The following SAMM50 variants were observed in gnomAD, a reference collection of about 807,000 sequenced individuals.
SAMM50 encodes SAMM50 sorting and assembly machinery component, also known as sorting and assembly machinery component 50 homolog.
SAMM50 carries 47 observed loss-of-function variants against 66.9 expected under a neutral mutation model. That is an observed-to-expected ratio of 0.70 (90% CI 0.56 to 0.90). The LOEUF (loss-of-function observed/expected upper bound fraction) is 0.90. SAMM50 is among the 40% of genes least tolerant of loss of function. SAMM50 has a pLI of 0.00. For synonymous variants in SAMM50, 191 were observed against 214.1 expected (o/e 0.89, Z 0.94); for missense variants, 535 against 595.3 (o/e 0.90, Z 1.05).
chr22:43,987,959 G>A (rs546435237), intron 12 of SAMM50: 1 of 151,850 alleles, frequency 6.6e-6, no homozygotes, highest in East Asian at 1.9e-4. Flanking sequence ...CATTTTATTG[G>A]CTTGCTTATT....
chr22:43,990,835 C>A (rs2146828562), intron 14 of SAMM50, among the ~76,000 whole-genome samples: 1 of 152,310 alleles, frequency 6.6e-6, no homozygotes, highest in East Asian at 1.9e-4. Flanking sequence ...CCTCTCTCTA[C>A]AGCAGAGGAA....
chr22:43,968,864 C>G (rs1569027193), intron 4 of SAMM50, 46 bp downstream of exon 4: 1 of 1,381,710 alleles, frequency 7.2e-7, no homozygotes, highest in Non-Finnish European at 1.0e-6. Context: ...TTCTGTCCAT[C>G]AGAGAAAAGC....
chr22:43,990,338 C>T lies in SAMM50; in HGVS notation c.1296C>T (p.Leu432=). The T allele has an allele frequency of 2.5e-6, 4 of 1,614,190 alleles. No individual in the cohort carries two copies. The highest frequency in any genetic ancestry group is 3.4e-6 in the Non-Finnish European group (4 of 1,180,034). ...GGTCGTACGGGGCCGGGATTGTCCT[C>T]AGGCTTGGCAACATCGCTCGGTTGG... ...IRWSYGAGIV[L]RLGNIARLEL... is the part of the protein sequence containing the mutation. The change falls in exon 14 of 15, where the codon CTC becomes CTT. Residue 432 remains leucine (L), a synonymous_variant. Coordinates refer to ENST00000350028, the MANE Select transcript of SAMM50 (RefSeq NM_015380.5).
intron 14 of SAMM50, among the ~76,000 whole-genome samples, chr22:43,992,401 G>T (rs17580791): frequency 0.02 from 3,115 of 152,348 alleles, 45 homozygotes; most frequent in Non-Finnish European, 0.032. Context: ...CCAGGCTGCT[G>T]CGGCTCCCTA....
At chr22:43,976,629 A>C (rs1015883634) in intron 8 of SAMM50, 121 bp from the exon 9 acceptor site, 1 of 742,336 alleles carries the variant, frequency 1.3e-6, no homozygotes, top group Non-Finnish European at 2.4e-6. Context: ...GGGCTCTGTG[A>C]ACACGAAATG....
In SAMM50 at chr22:43,980,546, A is replaced by C. The variant is rs199628745; in HGVS notation, c.937-845A>C. Among the ~76,000 whole-genome samples, 4 of 151,466 alleles carry C rather than the reference A, an allele frequency of 2.6e-5. No homozygotes were observed. The East Asian group carries it at 8.0e-4, about 30-fold the overall frequency. ...GAATTCCAAGAGCAGTAGTGGCAGG[A>C]GGGCCTTGGAGGCCGGATGTGGGCT... On this transcript the variant is annotated intron_variant, in intron 10 of 14. Coordinates refer to ENST00000350028, the MANE Select transcript of SAMM50 (RefSeq NM_015380.5).
chr22:43,984,197 C>T (rs2050279746), intron 12 of SAMM50, among the ~76,000 whole-genome samples, 197 bp downstream of exon 12: 1 of 152,214 alleles, frequency 6.6e-6, no homozygotes, highest in African/African-American at 2.4e-5. Flanking sequence ...GAAAATATAT[C>T]TGAGCAAAAA....
intron 9 of SAMM50, 35 bp from the exon 10 acceptor site, chr22:43,977,837 T>G (rs758881885): frequency 6.9e-7 from 1 of 1,442,178 alleles, no homozygotes; most frequent in South Asian, 1.2e-5. Context: ...ATAAGTCTGT[T>G]TGCTCCCTTT....
chr22:43,978,287 T>C (rs926794985), intron 10 of SAMM50, among the ~76,000 whole-genome samples: 1 of 151,538 alleles, frequency 6.6e-6, no homozygotes, highest in Admixed American at 6.6e-5. Context: ...TAAAAAAAAT[T>C]AGCCGGGCGT....
intron 1 of SAMM50, 108 bp downstream of exon 1, chr22:43,955,706 G>C: frequency 9.1e-6 from 11 of 1,209,440 alleles, no homozygotes; most frequent in Non-Finnish European, 1.3e-5. Context: ...CCGGGAGAGA[G>C]GGTGCCAAGG....
chr22:43,986,613 T>G (rs1241153193), intron 12 of SAMM50: 2 of 151,562 alleles, frequency 1.3e-5, no homozygotes, highest in African/African-American at 2.4e-5. Context: ...TGCAGTGGCG[T>G]GATCTCAGCT....
chr22:43,972,375 G>T, intron 5 of SAMM50, 33 bp downstream of exon 5: 1 of 1,334,610 alleles, frequency 7.5e-7, no homozygotes, highest in South Asian at 1.4e-5. Flanking sequence ...TCTTATATTG[G>T]AACTTAGAGT....
At position 43,968,144 on chromosome 22, in the gene SAMM50, T is replaced by A. The variant is rs145419814; in HGVS notation, c.235-587T>A. On this transcript the variant is annotated intron_variant, in intron 3 of 14. Coordinates refer to ENST00000350028, the MANE Select transcript of SAMM50 (RefSeq NM_015380.5). ...CAGAAGGCCGAGGCAGGAGAATGGC[T>A]TGAACCTGGGAGGCAGAGGTTGCAG... 7.3e-3 allele frequency among the ~76,000 whole-genome samples: 1,079 copies of A among 147,572 alleles called. 7 individuals carry two copies. Among genetic ancestry groups the A allele is most frequent in the African/African-American group, 0.026 (1,023 of 39,790 alleles).
At chr22:43,982,456 A>T (rs2050269452) in intron 11 of SAMM50, among the ~76,000 whole-genome samples, 1 of 152,148 alleles carries the variant, frequency 6.6e-6, no homozygotes, top group Non-Finnish European at 1.5e-5. Context: ...TGTTTAGTGG[A>T]TCCCTTTCCA....
intron 1 of SAMM50, among the ~76,000 whole-genome samples, chr22:43,960,789 G>A (rs1437643719): frequency 6.6e-6 from 1 of 152,158 alleles, no homozygotes; most frequent in African/African-American, 2.4e-5. Context: ...GTATCAAGAG[G>A]TGTCCCTGTG....
intron 10 of SAMM50, among the ~76,000 whole-genome samples, chr22:43,979,018 C>T (rs2050248760): frequency 6.6e-6 from 1 of 152,226 alleles, no homozygotes; most frequent in South Asian, 2.1e-4. Flanking sequence ...GCACGTGAGC[C>T]CATCCTGATC....
At chr22:43,964,137 C>T (rs1163296790) in intron 2 of SAMM50, among the ~76,000 whole-genome samples, 1 of 152,120 alleles carries the variant, frequency 6.6e-6, no homozygotes, top group African/African-American at 2.4e-5. Flanking sequence ...GGCCAGTGCT[C>T]AGCATGCATG....
chr22:43,978,275 A>G (rs1393321011), intron 10 of SAMM50, among the ~76,000 whole-genome samples: 1 of 151,666 alleles, frequency 6.6e-6, no homozygotes, highest in Non-Finnish European at 1.5e-5. Context: ...AACCCTGTCT[A>G]CTAAAAAAAA....
intron 1 of SAMM50, among the ~76,000 whole-genome samples, chr22:43,962,587 T>C (rs2050152051): frequency 6.6e-6 from 1 of 152,184 alleles, no homozygotes; most frequent in Non-Finnish European, 1.5e-5. Context: ...TGAATGAGAC[T>C]TTCTGAAATG....
Sources: gnomAD v4.1 joint callset for allele counts (sites outside exome capture counted in the v4.1 genomes callset) on GRCh38, gnomAD v4.1.1 for gene constraint, MANE v1.5 for transcripts, NCBI Gene and HGNC (gene_info 2026-07-23, HGNC 2026-07-21) for gene names.